PARP16: variants seen among roughly 807,000 people sequenced by gnomAD.
PARP16 encodes the protein protein mono-ADP-ribosyltransferase PARP16.
Under a neutral mutation model 35.0 loss-of-function variants are expected in PARP16, and 31 were observed. That is an observed-to-expected ratio of 0.88 (90% CI 0.66 to 1.19). The LOEUF is 1.19. Ranked by LOEUF, PARP16 falls within the 50% of genes most tolerant of loss-of-function variation. The pLI, the probability that PARP16 is intolerant of heterozygous loss-of-function variation, is 0.00. For missense variants in PARP16, 424 were observed against 411.2 expected (o/e 1.03, Z -0.27); for synonymous variants, 162 against 169.5 (o/e 0.96, Z 0.34).
At chr15:65,283,295 C>A (rs566022007) in intron 1 of PARP16, among the ~76,000 whole-genome samples, 1 of 152,090 alleles carries the variant, frequency 6.6e-6, no homozygotes, top group East Asian at 1.9e-4. Context: ...AAAAAAGCTG[C>A]ATTGTGAGTT....
chr15:65,265,058 G>A (rs1159268304), intron 3 of PARP16, among the ~76,000 whole-genome samples: 2 of 152,228 alleles, frequency 1.3e-5, no homozygotes, highest in Non-Finnish European at 2.9e-5. Flanking sequence ...GAGAGCCAGT[G>A]TAAACAAGCC....
At position 65,259,466 on chromosome 15, in the gene PARP16, T is replaced by C; in HGVS notation, c.910A>G (p.Ile304Val). ...MISLYLLLLL[I>V]VSVINSSAFQ... is the part of the protein sequence containing the mutation. ...GCAGAGGAGTTGATGACACTCACTATGAGCAGCAGCAGCAGATACAGGGAT... is the reference window on the plus strand; with the variant it reads ...GCAGAGGAGTTGATGACACTCACTACGAGCAGCAGCAGCAGATACAGGGAT... Residue 304 changes from isoleucine to valine, a missense_variant, in exon 6 of 6, where the codon ATA becomes GTA. Coordinates refer to ENST00000649807, the MANE Select transcript of PARP16 (RefSeq NM_001316943.2). The C allele has an allele frequency of 3.1e-6, 5 of 1,613,836 alleles. No individual in the cohort carries two copies. The highest frequency in any genetic ancestry group is 4.2e-6 in the Non-Finnish European group (5 of 1,179,668).
At chr15:65,277,098 G>A (rs1015877507) in intron 1 of PARP16, among the ~76,000 whole-genome samples, 2 of 151,980 alleles carry the variant, frequency 1.3e-5, no homozygotes, top group Non-Finnish European at 2.9e-5. Context: ...TAGGAATCCA[G>A]TCTGGCCTCT....
chr15:65,279,939 G>C (rs1247419029), intron 1 of PARP16, among the ~76,000 whole-genome samples: 1 of 151,610 alleles, frequency 6.6e-6, no homozygotes, highest in Non-Finnish European at 1.5e-5. Flanking sequence ...AGGTTGAGAG[G>C]CTTGTAAAGA....
At chr15:65,253,696 T>C (rs2089421875), downstream of PARP16, among the ~76,000 whole-genome samples, 1 of 152,172 alleles carries the variant, frequency 6.6e-6, no homozygotes, top group South Asian at 2.1e-4. Flanking sequence ...CTTGTATCTT[T>C]GCACCCCTTT....
Position 65,286,748 on chromosome 15 carries a change from C to A in PARP16, c.-322G>T. 3.0e-6 allele frequency: 1 copy of A among 328,226 alleles called. No individual in the cohort carries two copies. The highest frequency in any genetic ancestry group is 5.6e-6 in the Non-Finnish European group (1 of 179,274). The allele number at this position is 328,226 out of a possible 1,614,324, so 20.3% of individuals were successfully genotyped here. ...TCCCGGCCTAGGGGAAGGGCTATGACAATGGAATGACAACCGCGGGAACGT... is the reference window on the plus strand; with the variant it reads ...TCCCGGCCTAGGGGAAGGGCTATGAAAATGGAATGACAACCGCGGGAACGT... On this transcript the variant is annotated 5_prime_UTR_variant, in exon 1 of 6. Transcript: ENST00000649807.
At chr15:65,285,660 G>GT (rs1304284960) in intron 1 of PARP16, 14 of 184,228 alleles carry the variant, frequency 7.6e-5, no homozygotes, top group African/African-American at 3.3e-4. Flanking sequence ...ATCGATTTTG[G>GT]TAAGTTATAT....
rs2090073213 is a variant in PARP16, at chr15:65,270,948, G to T, written c.299C>A (p.Ala100Glu). 6.2e-7 allele frequency: 1 copy of T among 1,614,034 alleles called. No homozygotes were observed. The highest frequency in any genetic ancestry group is 8.5e-7 in the Non-Finnish European group (1 of 1,180,012). Residue 100 changes from alanine to glutamate, a missense_variant, in exon 2 of 6, where the codon GCA becomes GAA. By Grantham distance (107) the Ala-to-Glu change is moderately radical (BLOSUM62 -1). Coordinates refer to ENST00000649807, the MANE Select transcript of PARP16 (RefSeq NM_001316943.2). The part of the protein sequence containing the change: ...LSSKVLTIHS[A>E]GKAEFEKIQK... ...CCAAAGTCTCACCTCTGCCTTCCCT[G>T]CACTGTGGATTGTCAGGACCTTTGA...
intron 2 of PARP16, among the ~76,000 whole-genome samples, chr15:65,267,777 C>A (rs1350179694): frequency 7.2e-6 from 1 of 139,284 alleles, no homozygotes; most frequent in African/African-American, 2.6e-5. Context: ...ACCTCTGCCC[C>A]TCCAGGTTTT....
intron 1 of PARP16, among the ~76,000 whole-genome samples, chr15:65,277,645 A>G (rs2090296391): frequency 6.6e-6 from 1 of 152,218 alleles, no homozygotes; most frequent in South Asian, 2.1e-4. Context: ...GGGTGGGGAT[A>G]TGAAGCCAGG....
chr15:65,252,011 G>C (rs1166085504), intron 2 of PARP16, among the ~76,000 whole-genome samples: 1 of 152,176 alleles, frequency 6.6e-6, no homozygotes, highest in South Asian at 2.1e-4. Context: ...TGATCCACCC[G>C]CCTCGGCCTC....
intron 1 of PARP16, among the ~76,000 whole-genome samples, chr15:65,279,890 T>G (rs890141286): frequency 7.2e-5 from 11 of 151,898 alleles, no homozygotes; most frequent in African/African-American, 2.4e-4. Flanking sequence ...CAGGGTTTTT[T>G]TTTTTCCTTA....
intron 1 of PARP16, among the ~76,000 whole-genome samples, chr15:65,281,021 G>T (rs78955041): frequency 6.6e-6 from 1 of 152,168 alleles, no homozygotes; most frequent in African/African-American, 2.4e-5. Flanking sequence ...GGCTCATGTT[G>T]CTGGTCCTCA....
chr15:65,265,338 CAT>C (rs1400145607), intron 3 of PARP16, among the ~76,000 whole-genome samples: 2 of 152,188 alleles, frequency 1.3e-5, no homozygotes, highest in African/African-American at 4.8e-5. Context: ...AATTCTCTGA[CAT>C]ATAAGAAGGA....
chr15:65,232,917 A>AG (rs894594448), downstream of PARP16, among the ~76,000 whole-genome samples: 11 of 1,724 alleles, frequency 6.4e-3, no homozygotes, highest in Non-Finnish European at 0.015. Context: ...AAAACAAAAC[A>AG]AACAAAAAAA....
chr15:65,238,551 C>T (rs1475570547), intron 3 of PARP16, among the ~76,000 whole-genome samples: 2 of 152,154 alleles, frequency 1.3e-5, no homozygotes, highest in Admixed American at 1.3e-4. Flanking sequence ...GTCTTATAAT[C>T]TCTCTCAAAT....
chr15:65,260,835 A>G (rs1463312003), intron 5 of PARP16, 50 bp downstream of exon 5: 1 of 1,586,072 alleles, frequency 6.3e-7, no homozygotes, highest in Non-Finnish European at 8.6e-7. Flanking sequence ...ACAACAACTA[A>G]GAAAGCCAGC....
intron 3 of PARP16, among the ~76,000 whole-genome samples, chr15:65,235,055 T>A (rs2140706594): frequency 6.6e-6 from 1 of 152,128 alleles, no homozygotes; most frequent in East Asian, 1.9e-4. Flanking sequence ...AAATGACCAG[T>A]TAATGGGTGC....
In PARP16 at chr15:65,260,913, G is replaced by A. The variant is rs780616392; in HGVS notation, c.805C>T (p.Leu269=). The A allele has an allele frequency of 1.2e-6, 2 of 1,613,948 alleles. No homozygotes were observed. Among genetic ancestry groups the A allele is most frequent in the East Asian group, 4.5e-5 (2 of 44,868 alleles). The change falls in exon 5 of 6, where the codon CTG becomes TTG. Residue 269 remains leucine (L), a synonymous_variant. Coordinates refer to ENST00000649807, the MANE Select transcript of PARP16 (RefSeq NM_001316943.2). ...NNQLLRVKYL[L]VYSQKPPKRA... ...TTGGGTGGCTTCTGTGAATACACCA[G>A]GAGGTACTTCACTCGCAGCAGCTGG...
Sources: allele counts gnomAD v4.1 joint callset (sites outside exome capture counted in the v4.1 genomes callset), GRCh38; gene constraint gnomAD v4.1.1; transcripts MANE v1.5; gene names NCBI Gene and HGNC (gene_info 2026-07-23, HGNC 2026-07-21).